Variants in ST14 observed in about 807,000 individuals in gnomAD.
ST14 encodes the protein suppressor of tumorigenicity 14 protein.
ST14 carries 40 observed loss-of-function variants against 96.5 expected under a neutral mutation model. The ratio of observed to expected loss-of-function variants is 0.41; its 90% CI spans 0.32 to 0.54. The LOEUF (loss-of-function observed/expected upper bound fraction) is 0.54. Ranked by LOEUF, ST14 falls within the 20% of genes least tolerant of loss-of-function variation. ST14 has a pLI of 0.17. For synonymous variants in ST14, 506 were observed against 492.1 expected (o/e 1.03, Z -0.37); for missense variants, 1,066 against 1,188.9 (o/e 0.90, Z 1.52).
Position 130,198,993 on chromosome 11 carries a change from G to T in ST14, c.1731G>T (p.Gly577=). ...CTKHTYRCLN[G]LCLSKGNPEC... is the part of the protein sequence containing the mutation. ...AACACACCTACCGCTGCCTCAATGG[G>T]CTCTGCTTGAGCAAGGGCAACCCTG... The change falls in exon 15 of 19, where the codon GGG becomes GGT. Residue 577 remains glycine, a synonymous_variant. Transcript: ENST00000278742. The T allele has an allele frequency of 1.2e-6, 2 of 1,614,126 alleles. No homozygotes were observed. Among genetic ancestry groups the T allele is most frequent in the Non-Finnish European group, 1.7e-6 (2 of 1,180,012 alleles).
At chr11:130,207,895 A>C (rs918886873) in intron 16 of ST14, among the ~76,000 whole-genome samples, 5 of 152,092 alleles carry the variant, frequency 3.3e-5, no homozygotes, top group African/African-American at 7.2e-5. Flanking sequence ...CCATGATGAA[A>C]TCCCGTCTCT....
At chr11:130,196,183 AAACAAACAAAC>A (rs1339620223) in intron 9 of ST14, among the ~76,000 whole-genome samples, 145 bp from the exon 10 acceptor site, 6 of 151,832 alleles carry the variant, frequency 4.0e-5, no homozygotes, top group South Asian at 2.1e-4. Context: ...ACAAACAAAC[AAACAAACAAAC>A]ACGCTGGGAG....
rs756155146 is a variant in ST14, at chr11:130,160,073, CG to C, written c.81+17del. ...CTCCCGGCACGAGGTGAGCGCGGGC[CG>C]GGGACCCGGGGCGCTGGGAAGCTCC... On this transcript the variant is annotated intron_variant, in intron 1 of 18. Transcript: ENST00000278742. 2.4e-4 allele frequency: 338 copies of C among 1,415,380 alleles called. 4 individuals carry two copies. In the East Asian group the frequency reaches 0.01, roughly 42 times the overall value. The allele number at this position is 1,415,380 out of a possible 1,614,324, so 87.7% of individuals were successfully genotyped here. A position where few individuals can be genotyped will look rare whatever the true frequency, so the allele number is the denominator to read the frequency against.
At chr11:130,194,337 G>T in intron 8 of ST14, 49 bp downstream of exon 8, 1 of 1,611,958 alleles carries the variant, frequency 6.2e-7, no homozygotes, top group Non-Finnish European at 8.5e-7. Context: ...CACAGAGAAG[G>T]GGAAGGCCTT....
Position 130,194,144 on chromosome 11 carries a change from C to T in ST14, c.876-5C>T. ...CTTCCTAATGCCCGCCCTCTGCCCC[C>T]ACAGGTTGTGTGGCACCTACCCTCC... On this transcript the variant is annotated splice_region_variant and splice_polypyrimidine_tract_variant and intron_variant, in intron 7 of 18. Coordinates refer to ENST00000278742, the MANE Select transcript of ST14 (RefSeq NM_021978.4). The T allele has an allele frequency of 6.2e-7, 1 of 1,614,218 alleles. No homozygotes were observed. Among genetic ancestry groups the T allele is most frequent in the Non-Finnish European group, 8.5e-7 (1 of 1,180,034 alleles).
At position 130,160,058 on chromosome 11, in the gene ST14, G is replaced by A; in HGVS notation, c.79G>A (p.Glu27Lys). 4.2e-6 allele frequency: 6 copies of A among 1,430,184 alleles called. No individual in the cohort carries two copies. The highest frequency in any genetic ancestry group is 5.5e-6 in the Non-Finnish European group (6 of 1,083,318). The allele number at this position is 1,430,184 out of a possible 1,614,324, so 88.6% of individuals were successfully genotyped here. A position where few individuals can be genotyped will look rare whatever the true frequency, so the allele number is the denominator to read the frequency against. ...GAGLKYNSRHEKVNGLEEGVE... is the reference protein window; with the variant it reads ...GAGLKYNSRHKKVNGLEEGVE... Reference sequence around the variant, plus strand: ...GGGACTCAAGTACAACTCCCGGCACGAGGTGAGCGCGGGCCGGGGACCCGG... The same window carrying A: ...GGGACTCAAGTACAACTCCCGGCACAAGGTGAGCGCGGGCCGGGGACCCGG... The change falls in exon 1 of 19, where the codon GAG becomes AAG. Residue 27 changes from glutamate (E) to lysine (K), a missense_variant and splice_region_variant. Transcript: ENST00000278742.
At position 130,188,502 on chromosome 11, in the gene ST14, T is replaced by C. The variant is rs574178927; in HGVS notation, c.242-28T>C. 3 of 1,610,242 alleles carry C rather than the reference T, an allele frequency of 1.9e-6. No individual in the cohort carries two copies. The highest frequency in any genetic ancestry group is 1.7e-5 in the Admixed American group (1 of 60,022). ...CAGGCGGGGGTGGTACCACCTCCCC[T>C]GACTGAGCGCCTTCTGGTCTCACAC... On this transcript the variant is annotated intron_variant, in intron 2 of 18. Transcript: ENST00000278742. The surrounding 1 kb of genome is among the most constrained non-coding windows in gnomAD (Gnocchi z 5.4).
rs1953398131 is a variant in ST14 at position 130,198,868 on chromosome 11, G to C, written c.1685-79G>C. The stretch of plus-strand genomic sequence containing the variant: ...AGGGGGTAATGTGCAGGGGCCATGA[G>C]GCGCCATTGGTGGTTTCTGGCTTCT... On this transcript the variant is annotated intron_variant, in intron 14 of 18. Transcript: ENST00000278742. 3 of 1,609,322 alleles carry C rather than the reference G, an allele frequency of 1.9e-6. No homozygotes were observed. The South Asian group carries it at 3.3e-5, about 18-fold the overall frequency.
At chr11:130,170,443 G>A (rs779506436) in intron 1 of ST14, among the ~76,000 whole-genome samples, 16 of 152,124 alleles carry the variant, frequency 1.1e-4, no homozygotes, top group Non-Finnish European at 2.2e-4. Flanking sequence ...AGAGGAAACC[G>A]GGGCACTGTG....
intron 1 of ST14, among the ~76,000 whole-genome samples, chr11:130,171,999 T>C (rs1376089781): frequency 6.6e-6 from 1 of 152,230 alleles, no homozygotes. Context: ...GGCAGAGGCT[T>C]CGCTGGCAGA....
Position 130,198,417 on chromosome 11 carries a change from C to A in ST14, c.1569C>A (p.Cys523Ter). ...DCGDNSDEQG[C>*]SCPAQTFRCS... ...GAGACAACAGCGACGAGCAGGGGTG[C>A]AGTGAGTGCTGGGGAGGGGCTGCCT... is the stretch of plus-strand genomic sequence containing the variant. Residue 523 changes from cysteine (C) to a stop codon, truncating the protein, a stop_gained and splice_region_variant, in exon 13 of 19, where the codon TGC becomes TGA. Coordinates refer to ENST00000278742, the MANE Select transcript of ST14 (RefSeq NM_021978.4). LOFTEE classifies it high-confidence loss of function. The A allele has an allele frequency of 6.2e-7, 1 of 1,613,942 alleles. No individual in the cohort carries two copies. Among genetic ancestry groups the A allele is most frequent in the Admixed American group, 1.7e-5 (1 of 60,030 alleles).
Position 130,159,942 on chromosome 11 carries a change from G to C in ST14, c.-38G>C. The C allele has an allele frequency of 8.0e-7, 1 of 1,242,242 alleles. No individual in the cohort carries two copies. The highest frequency in any genetic ancestry group is 3.3e-5 in the East Asian group (1 of 30,360). The allele number at this position is 1,242,242 out of a possible 1,614,324, so 77.0% of individuals were successfully genotyped here. On this transcript the variant is annotated 5_prime_UTR_variant, in exon 1 of 19. Coordinates refer to ENST00000278742, the MANE Select transcript of ST14 (RefSeq NM_021978.4). ...GCCATGGGAGCCGGCCGCCGGCAGG[G>C]ACGACGCCTGTGAGACCCGCGAGCG...
intron 1 of ST14, among the ~76,000 whole-genome samples, chr11:130,184,645 T>C (rs569761528): frequency 5.9e-5 from 9 of 152,226 alleles, no homozygotes; most frequent in African/African-American, 2.2e-4. Flanking sequence ...AGGACATTGT[T>C]AGAAATACCC....
At position 130,196,461 on chromosome 11, in the gene ST14, G is replaced by C. The variant is rs757728282; in HGVS notation, c.1223+13G>C. On this transcript the variant is annotated intron_variant, in intron 10 of 18. Coordinates refer to ENST00000278742, the MANE Select transcript of ST14 (RefSeq NM_021978.4). ...TCAACGGGGAGAAGTGAGTCCCCGG[G>C]GGTATGGGGGCTGCCGGGCCCATGC... is the stretch of plus-strand genomic sequence containing the variant. 6.9e-6 allele frequency: 11 copies of C among 1,601,522 alleles called. No individual in the cohort carries two copies. In the African/African-American group the frequency reaches 1.3e-4, roughly 19 times the overall value.
intron 1 of ST14, among the ~76,000 whole-genome samples, chr11:130,161,039 C>T (rs1952994932): frequency 6.6e-6 from 1 of 152,238 alleles, no homozygotes; most frequent in African/African-American, 2.4e-5. Context: ...GCTCCATAGT[C>T]TCCGCCGTTG....
At chr11:130,179,008 G>A (rs759518061) in intron 1 of ST14, among the ~76,000 whole-genome samples, 2 of 152,164 alleles carry the variant, frequency 1.3e-5, no homozygotes, top group Non-Finnish European at 2.9e-5. Flanking sequence ...GTTCGACCTG[G>A]CACAGCAGCT....
chr11:130,164,037 C>G (rs1199314614), intron 1 of ST14, among the ~76,000 whole-genome samples: 2 of 152,138 alleles, frequency 1.3e-5, no homozygotes, highest in Non-Finnish European at 2.9e-5. Context: ...ACACTGTGGC[C>G]CTCAAGTTCC....
chr11:130,167,718 A>ATT (rs969992252), intron 1 of ST14, among the ~76,000 whole-genome samples: 4 of 145,790 alleles, frequency 2.7e-5, no homozygotes, highest in African/African-American at 1.0e-4. Context: ...AGGAGTGACT[A>ATT]TTTTTTTTTT....
At chr11:130,160,238 C>A (rs1457076570) in intron 1 of ST14, among the ~76,000 whole-genome samples, 178 bp downstream of exon 1, 1 of 151,742 alleles carries the variant, frequency 6.6e-6, no homozygotes, top group Non-Finnish European at 1.5e-5. Flanking sequence ...CTGGCCGGAC[C>A]TTTGGTACCG....
Sources: allele counts gnomAD v4.1 joint callset (sites outside exome capture counted in the v4.1 genomes callset), GRCh38; gene constraint gnomAD v4.1.1; non-coding constraint Gnocchi (gnomAD v3.1); transcripts MANE v1.5; gene names NCBI Gene and HGNC (gene_info 2026-07-23, HGNC 2026-07-21).